SNF8: variants seen among roughly 807,000 people sequenced by gnomAD.
SNF8 encodes SNF8 subunit of ESCRT-II, also known as vacuolar-sorting protein SNF8.
A neutral mutation model predicts 36.8 loss-of-function variants in SNF8; 19 were observed. That is an observed-to-expected ratio of 0.52 (90% CI 0.36 to 0.76). SNF8 has a LOEUF of 0.76. Among genes scored for constraint, SNF8 ranks in the 30% least tolerant of loss-of-function variants. The pLI, the probability that SNF8 is intolerant of heterozygous loss-of-function variation, is 0.00. For synonymous variants in SNF8, 127 were observed against 127.4 expected, an observed-to-expected ratio of 1.00 and a Z score of 0.02; for missense variants, 268 against 322.9, an observed-to-expected ratio of 0.83 and a Z score of 1.30.
At position 48,930,291 on chromosome 17, in the gene SNF8, T is replaced by G. The variant is rs2040837607; in HGVS notation, c.*184A>C. On this transcript the variant is annotated 3_prime_UTR_variant, in exon 8 of 8. Transcript: ENST00000502492. Reference sequence around the variant, plus strand: ...TCTGTGTTAATCAGATTATGCTTACTGAACGAGCGAGGTTTTCCTCCAATA... The same window carrying G: ...TCTGTGTTAATCAGATTATGCTTACGGAACGAGCGAGGTTTTCCTCCAATA... 1 of 582,054 alleles carries G rather than the reference T, an allele frequency of 1.7e-6. No homozygotes were observed. Among genetic ancestry groups the G allele is most frequent in the Non-Finnish European group, 2.9e-6 (1 of 346,384 alleles). 36.1% of individuals were successfully genotyped at this position (582,054 alleles called of 1,614,324 possible). A position where few individuals can be genotyped will look rare whatever the true frequency, so the allele number is the denominator to read the frequency against.
Position 48,930,303 on chromosome 17 carries a change from G to C in SNF8, c.*172C>G. ...AGATTATGCTTACTGAACGAGCGAGGTTTTCCTCCAATAAAAATGCAACGT... is the reference window on the plus strand; with the variant it reads ...AGATTATGCTTACTGAACGAGCGAGCTTTTCCTCCAATAAAAATGCAACGT... On this transcript the variant is annotated 3_prime_UTR_variant, in exon 8 of 8. Transcript: ENST00000502492. 1 of 646,610 alleles carries C rather than the reference G, an allele frequency of 1.5e-6. No homozygotes were observed. Among genetic ancestry groups the C allele is most frequent in the South Asian group, 2.7e-5 (1 of 37,672 alleles). 40.1% of individuals were successfully genotyped at this position (646,610 alleles called of 1,614,324 possible). A position where few individuals can be genotyped will look rare whatever the true frequency, so the allele number is the denominator to read the frequency against.
intron 2 of SNF8, 111 bp downstream of exon 2, chr17:48,943,814 G>T: frequency 1.1e-6 from 1 of 929,560 alleles, no homozygotes; most frequent in Non-Finnish European, 1.7e-6. Flanking sequence ...ATCAAAATTT[G>T]CCAAACACCC....
At chr17:48,936,354 A>C (rs2040933908) in intron 4 of SNF8, 112 bp from the exon 5 acceptor site, 5 of 747,282 alleles carry the variant, frequency 6.7e-6, no homozygotes, top group Non-Finnish European at 2.2e-6. Flanking sequence ...TCTAGTTCCT[A>C]ATTTTTTTTT....
chr17:48,932,806 G>T (rs2040879158), intron 6 of SNF8: 2 of 161,804 alleles, frequency 1.2e-5, no homozygotes, highest in African/African-American at 2.4e-5. Context: ...GGGGGAAGAT[G>T]GCATATGCTT....
chr17:48,942,847 CTTTTTTTTTTTT>C (rs71144543), intron 2 of SNF8, among the ~76,000 whole-genome samples: 39 of 86,150 alleles, frequency 4.5e-4, no homozygotes, highest in Admixed American at 5.5e-4. Flanking sequence ...CGCACCCGGC[CTTTTTTTTTTTT>C]TTTTTTTTTT....
rs1213706784 is a variant in SNF8 at position 48,944,604 on chromosome 17, G to C, written c.54+77C>G. ...AGATTCTGTTGGGAGGTGATTAACGGGTAGGACACTGCTCCGGGACAATTC... is the reference window on the plus strand; with the variant it reads ...AGATTCTGTTGGGAGGTGATTAACGCGTAGGACACTGCTCCGGGACAATTC... On this transcript the variant is annotated intron_variant, in intron 1 of 7. Transcript: ENST00000502492. 3 of 1,474,894 alleles carry C rather than the reference G, an allele frequency of 2.0e-6. No individual in the cohort carries two copies. The East Asian group carries it at 6.9e-5, about 34-fold the overall frequency. 91.4% of individuals were successfully genotyped at this position (1,474,894 alleles called of 1,614,324 possible).
chr17:48,934,123 TAC>T (rs1491447160), intron 5 of SNF8, among the ~76,000 whole-genome samples: 3 of 123,634 alleles, frequency 2.4e-5, no homozygotes, highest in East Asian at 2.4e-4. Flanking sequence ...CCAGCCCACA[TAC>T]AGAGTTTAAA....
chr17:48,933,634 T>G, intron 5 of SNF8: 1 of 322,466 alleles, frequency 3.1e-6, no homozygotes, highest in South Asian at 3.8e-5. Flanking sequence ...CTTGGGAGGC[T>G]GAGGCAGGAG....
intron 1 of SNF8, 33 bp downstream of exon 1, chr17:48,944,648 G>A: frequency 2.5e-6 from 4 of 1,606,826 alleles, no homozygotes; most frequent in Non-Finnish European, 3.4e-6. Flanking sequence ...ACGGGTCAGG[G>A]GCAGGTTGTG....
rs1484100058 is a variant in SNF8, at chr17:48,944,615, G to C, written c.54+66C>G. The C allele has an allele frequency of 1.9e-5, 30 of 1,539,654 alleles. No individual in the cohort carries two copies. In the Admixed American group the frequency reaches 5.0e-4, roughly 26 times the overall value. On this transcript the variant is annotated intron_variant, in intron 1 of 7. Coordinates refer to ENST00000502492, the MANE Select transcript of SNF8 (RefSeq NM_007241.4). ...GGAGGTGATTAACGGGTAGGACACT[G>C]CTCCGGGACAATTCAGTCTCGCACG...
At chr17:48,939,457 T>A (rs1170717170) in intron 3 of SNF8, among the ~76,000 whole-genome samples, 4 of 121,436 alleles carry the variant, frequency 3.3e-5, no homozygotes, top group Admixed American at 8.3e-5. Context: ...ATTAGTAATT[T>A]CTTTTTTTTT....
At position 48,929,586 on chromosome 17, in the gene SNF8, C is replaced by T. The variant is rs56321731; in HGVS notation, c.*889G>A. The T allele has an allele frequency of 0.11, 17,213 of 152,048 alleles. 1,109 individuals carry two copies. The highest frequency in any genetic ancestry group is 0.14 in the Non-Finnish European group (9,705 of 68,016). The allele number at this position is 152,048 out of a possible 1,614,324, so 9.4% of individuals were successfully genotyped here. A position where few individuals can be genotyped will look rare whatever the true frequency, so the allele number is the denominator to read the frequency against. ...AGAGGCTTTTACTCTTGGCTGACCACGTGTGTAGAAAAATGTCTACACACA... is the reference window on the plus strand; with the variant it reads ...AGAGGCTTTTACTCTTGGCTGACCATGTGTGTAGAAAAATGTCTACACACA... On this transcript the variant is annotated 3_prime_UTR_variant, in exon 8 of 8. Coordinates refer to ENST00000502492, the MANE Select transcript of SNF8 (RefSeq NM_007241.4).
At chr17:48,940,072 C>A (rs1442522486) in intron 3 of SNF8, among the ~76,000 whole-genome samples, 169 of 91,328 alleles carry the variant, frequency 1.9e-3, no homozygotes, top group African/African-American at 2.7e-3. Context: ...AAGACTGTCT[C>A]AAAAAAAAAA....
At chr17:48,934,315 C>CTT (rs869207502) in intron 5 of SNF8, among the ~76,000 whole-genome samples, 2 of 142,862 alleles carry the variant, frequency 1.4e-5, no homozygotes, top group Admixed American at 7.0e-5. Flanking sequence ...TATCACTTTC[C>CTT]TTTTTTTTTT....
chr17:48,936,515 T>C, intron 4 of SNF8: 1 of 372,452 alleles, frequency 2.7e-6, no homozygotes, highest in Non-Finnish European at 4.9e-6. Flanking sequence ...CAAGGCCGTG[T>C]CTATTTATAG....
chr17:48,936,012 T>C, intron 5 of SNF8, 158 bp downstream of exon 5: 1 of 553,372 alleles, frequency 1.8e-6, no homozygotes, highest in Non-Finnish European at 3.2e-6. Context: ...CCCTATCTCT[T>C]ATTTTTTGTT....
rs529564454 is a variant in SNF8 at position 48,939,967 on chromosome 17, T to C, written c.244+957A>G. On this transcript the variant is annotated intron_variant, in intron 3 of 7. Coordinates refer to ENST00000502492, the MANE Select transcript of SNF8 (RefSeq NM_007241.4). ...GTGCAGGCCTGTAATCCCAGCTACT[T>C]GGGAGGCTGAAGCACAAGAATTGCT... 9.7e-5 allele frequency among the ~76,000 whole-genome samples: 14 copies of C among 144,326 alleles called. No individual in the cohort carries two copies. The East Asian group carries it at 2.9e-3, about 30-fold the overall frequency. The allele number at this position is 144,326 out of a possible 152,430, so 94.7% of individuals were successfully genotyped here. A position where few individuals can be genotyped will look rare whatever the true frequency, so the allele number is the denominator to read the frequency against.
In SNF8 at chr17:48,931,687, T is replaced by A; in HGVS notation, c.595A>T (p.Lys199Ter). 2 of 1,613,508 alleles carry A rather than the reference T, an allele frequency of 1.2e-6. No homozygotes were observed. Among genetic ancestry groups the A allele is most frequent in the African/African-American group, 1.3e-5 (1 of 75,052 alleles). ...TCGGTCTCCCATTTAAGACTGGCTT[T>A]GATCTCACTGACAGTCACGTAGCCA... ...KNGYVTVSEI[K>*]ASLKWETERA... Residue 199 changes from lysine (K) to a stop codon, truncating the protein, a stop_gained, in exon 7 of 8, where the codon AAA (lysine) becomes TAA (stop). Coordinates refer to ENST00000502492, the MANE Select transcript of SNF8 (RefSeq NM_007241.4). LOFTEE classifies it high-confidence loss of function.
At chr17:48,936,348 G>T in intron 4 of SNF8, 106 bp from the exon 5 acceptor site, 1 of 797,758 alleles carries the variant, frequency 1.3e-6, no homozygotes, top group Non-Finnish European at 2.0e-6. Flanking sequence ...TAACATTCTA[G>T]TTCCTAATTT....
Sources: gnomAD v4.1 joint callset for allele counts (sites outside exome capture counted in the v4.1 genomes callset) on GRCh38, gnomAD v4.1.1 for gene constraint, MANE v1.5 for transcripts, NCBI Gene and HGNC (gene_info 2026-07-23, HGNC 2026-07-21) for gene names.